Variants in TCF12 observed in about 807,000 individuals in gnomAD.
TCF12 encodes the protein transcription factor 12.
A neutral mutation model predicts 86.0 loss-of-function variants in TCF12; 45 were observed. The observed-to-expected ratio is 0.52, with a 90% CI of 0.41 to 0.67. The LOEUF (loss-of-function observed/expected upper bound fraction) is 0.67, where lower values mean the gene tolerates loss of function less well. Ranked by LOEUF, TCF12 falls within the 30% of genes least tolerant of loss-of-function variation. The probability of loss-of-function intolerance (pLI) is 0.00; values close to 1 mark genes in which losing one functional copy is unlikely to be tolerated. For synonymous variants in TCF12, 330 were observed against 299.6 expected (o/e 1.10, Z -1.05); for missense variants, 881 against 859.9 (o/e 1.02, Z -0.31).
chr15:57,117,000 A>G (rs1047485905), intron 5 of TCF12, among the ~76,000 whole-genome samples: 2 of 152,098 alleles, frequency 1.3e-5, no homozygotes, highest in Admixed American at 1.3e-4. Context: ...ACTGCTAACC[A>G]TGTCATGTAG....
At chr15:57,015,693 C>CA (rs1317294581) in intron 3 of TCF12, among the ~76,000 whole-genome samples, 2 of 125,876 alleles carry the variant, frequency 1.6e-5, no homozygotes, top group African/African-American at 2.5e-5. Context: ...ACAGTTTCTC[C>CA]AAAAAAACAA....
At chr15:56,996,374 A>G (rs1401661454) in intron 3 of TCF12, among the ~76,000 whole-genome samples, 2 of 152,198 alleles carry the variant, frequency 1.3e-5, no homozygotes, top group African/African-American at 4.8e-5. Flanking sequence ...TGACAAAGTC[A>G]GTAAAACTAA....
chr15:56,979,800 G>A (rs2062798068), intron 3 of TCF12, among the ~76,000 whole-genome samples: 1 of 152,162 alleles, frequency 6.6e-6, no homozygotes, highest in Admixed American at 6.5e-5. Flanking sequence ...TCTAAATGTT[G>A]TGAATTCTTA....
chr15:57,155,298 T>C (rs1440464627), intron 5 of TCF12, among the ~76,000 whole-genome samples: 1 of 152,218 alleles, frequency 6.6e-6, no homozygotes, highest in Non-Finnish European at 1.5e-5. Context: ...TATCCAGTTA[T>C]AATGAGTTAA....
At chr15:57,188,704 T>G (rs1227747356) in intron 6 of TCF12, among the ~76,000 whole-genome samples, 1 of 152,228 alleles carries the variant, frequency 6.6e-6, no homozygotes, top group Non-Finnish European at 1.5e-5. Context: ...AGTATTATCT[T>G]CAATATATGG....
At chr15:57,252,046 C>T (rs961796223) in intron 14 of TCF12, among the ~76,000 whole-genome samples, 1 of 152,020 alleles carries the variant, frequency 6.6e-6, no homozygotes, top group Admixed American at 6.5e-5. Flanking sequence ...TATTTGTAAC[C>T]CAGAATTACA....
At chr15:57,040,844 T>C (rs1159389596) in intron 3 of TCF12, among the ~76,000 whole-genome samples, 1 of 152,204 alleles carries the variant, frequency 6.6e-6, no homozygotes, top group Non-Finnish European at 1.5e-5. Flanking sequence ...CTGACTTTAT[T>C]TGTGATTATA....
At chr15:57,030,024 C>G (rs572325242) in intron 3 of TCF12, among the ~76,000 whole-genome samples, 1 of 151,900 alleles carries the variant, frequency 6.6e-6, no homozygotes, top group African/African-American at 2.4e-5. Context: ...AGAGTAGAGT[C>G]GCTATGAACA....
At chr15:57,248,047 A>C (rs989291427) in intron 13 of TCF12, 2 of 703,680 alleles carry the variant, frequency 2.8e-6, no homozygotes, top group Admixed American at 4.0e-5. Context: ...CTCCATTTTG[A>C]GACCAGACAA....
chr15:57,091,864 A>G lies in TCF12; in HGVS notation c.298A>G (p.Thr100Ala), dbSNP rs748321218. The G allele has an allele frequency of 1.2e-5, 20 of 1,613,666 alleles. No homozygotes were observed. Among genetic ancestry groups the G allele is most frequent in the East Asian group, 8.9e-5 (4 of 44,874 alleles). ...RLGAHEGLSP[T>A]PFMNSNLMGK... ...AGGAGCCCATGAAGGCTTGTCCCCA[A>G]CACCTTTCATGAACTCAAATCTGAT... Residue 100 changes from threonine (T) to alanine (A), a missense_variant, in exon 5 of 21, where the codon ACA becomes GCA. Around this residue, in one of 3 missense-constraint regions of TCF12, gnomAD observed 766 missense variants for 718.9 expected, o/e 1.07. Coordinates refer to ENST00000333725, the MANE Select transcript of TCF12 (RefSeq NM_207037.2).
intron 8 of TCF12, among the ~76,000 whole-genome samples, chr15:57,223,649 T>TTTTTTTTTTTG (rs2058717035): frequency 7.3e-6 from 1 of 136,154 alleles, no homozygotes; most frequent in Non-Finnish European, 1.6e-5. Context: ...TGAGGTTTTT[T>TTTTTTTTTTTG]TTTTTTTTTT....
intron 5 of TCF12, among the ~76,000 whole-genome samples, chr15:57,118,134 A>G (rs571647001): frequency 3.3e-5 from 5 of 152,332 alleles, no homozygotes; most frequent in Admixed American, 6.5e-5. Context: ...GCAAGCTTCT[A>G]TGTTGATTAT....
chr15:57,116,531 G>A (rs996123190), intron 5 of TCF12, among the ~76,000 whole-genome samples: 7 of 151,934 alleles, frequency 4.6e-5, no homozygotes, highest in African/African-American at 1.7e-4. Context: ...ATTTTTTGTA[G>A]AGACAGGGTT....
In TCF12 at chr15:57,075,968, A is replaced by G. The variant is rs145475431; in HGVS notation, c.222+12145A>G. ...AGCATTGAACCCCTGGGTTCAGGTG[A>G]TCCTCTGCCCCTGTCTCCCAAGTAG... On this transcript the variant is annotated intron_variant, in intron 4 of 20. Coordinates refer to ENST00000333725, the MANE Select transcript of TCF12 (RefSeq NM_207037.2). 2.8e-3 allele frequency among the ~76,000 whole-genome samples: 415 copies of G among 150,146 alleles called. 11 individuals carry two copies. The highest frequency in any genetic ancestry group is 0.024 in the Admixed American group (366 of 15,046).
In TCF12 at chr15:57,282,577, G is replaced by T. The variant is rs746929029; in HGVS notation, c.2111G>T (p.Gly704Val). 2.5e-5 allele frequency: 41 copies of T among 1,613,430 alleles called. No homozygotes were observed. The East Asian group carries it at 7.1e-4, about 28-fold the overall frequency. ...PGLSETTNPM[G>V]HM ...CTTAGTGAAACTACCAACCCTATGGGTCATATGTAAACATCAGCCAGGTAA... is the reference window on the plus strand; with the variant it reads ...CTTAGTGAAACTACCAACCCTATGGTTCATATGTAAACATCAGCCAGGTAA... The change falls in exon 20 of 21, where the codon GGT (glycine) becomes GTT (valine). Residue 704 changes from glycine to valine, a missense_variant. By Grantham distance (109) the Gly-to-Val change is moderately radical. This residue lies in a region of TCF12 where 69 missense variants were observed against 64.2 expected (regional missense o/e 1.07). Transcript: ENST00000333725.
chr15:57,271,033 C>T (rs1043869647), intron 18 of TCF12, among the ~76,000 whole-genome samples: 1 of 152,206 alleles, frequency 6.6e-6, no homozygotes, highest in Non-Finnish European at 1.5e-5. Context: ...CAGGGACCCA[C>T]TTGAGGAGGC....
Position 56,984,014 on chromosome 15 carries a change from A to AAAAAAAAAAAAG in TCF12, c.148+62918_148+62919insAAAAAAAAAGAA, listed in dbSNP as rs777234282. Among the ~76,000 whole-genome samples the AAAAAAAAAAAAG allele has an allele frequency of 2.0e-4, 21 of 104,314 alleles. 2 individuals are homozygous for AAAAAAAAAAAAG. The highest frequency in any genetic ancestry group is 1.7e-3 in the East Asian group (5 of 2,908). The allele number at this position is 104,314 out of a possible 152,430, so 68.4% of individuals were successfully genotyped here. A position where few individuals can be genotyped will look rare whatever the true frequency, so the allele number is the denominator to read the frequency against. ...GAGACCCTGTCTCAAAAAAAAAAAA[A>AAAAAAAAAAAAG]AAGAAGAAGAAGAATTTTGGATCAA... On this transcript the variant is annotated intron_variant, in intron 3 of 20. Coordinates refer to ENST00000333725, the MANE Select transcript of TCF12 (RefSeq NM_207037.2).
chr15:56,935,648 C>T (rs1475709522), intron 3 of TCF12, among the ~76,000 whole-genome samples: 3 of 152,108 alleles, frequency 2.0e-5, no homozygotes, highest in African/African-American at 7.2e-5. Context: ...TTCCCTGAGT[C>T]CCCAAAGTCC....
In TCF12 at chr15:57,232,804, T is replaced by C. The variant is rs762882976; in HGVS notation, c.918T>C (p.Pro306=). 1 of 1,612,508 alleles carries C rather than the reference T, an allele frequency of 6.2e-7. No individual in the cohort carries two copies. The highest frequency in any genetic ancestry group is 8.5e-7 in the Non-Finnish European group (1 of 1,179,224). Residue 306 remains proline, a synonymous_variant, in exon 11 of 21, where the codon CCT becomes CCC. Coordinates refer to ENST00000333725, the MANE Select transcript of TCF12 (RefSeq NM_207037.2). The part of the protein sequence containing the change: ...SFHRGSTSSS[P]YVAASHTPPI... ...ATCGCGGCAGTACCAGCAGTTCACC[T>C]TACGTTGCTGCCTCACACACTCCTC...
Sources: allele counts gnomAD v4.1 joint callset (sites outside exome capture counted in the v4.1 genomes callset), GRCh38; gene constraint gnomAD v4.1.1; regional missense constraint gnomAD v4.1.1; transcripts MANE v1.5; gene names NCBI Gene and HGNC (gene_info 2026-07-23, HGNC 2026-07-21).